Variants in CNTNAP2 observed in about 807,000 individuals in gnomAD.
CNTNAP2 encodes contactin-associated protein-like 2.
CNTNAP2 carries 98 observed loss-of-function variants against 155.2 expected under a neutral mutation model. The observed-to-expected ratio is 0.63, with a 90% CI of 0.54 to 0.75. CNTNAP2 has a LOEUF of 0.75. CNTNAP2 is among the 30% of genes least tolerant of loss of function. The pLI is 0.00. For missense variants in CNTNAP2, 1,727 were observed against 1,688.1 expected (o/e 1.02, Z -0.40); for synonymous variants, 651 against 631.2 (o/e 1.03, Z -0.47).
At chr7:147,705,921 C>T (rs1191259390) in intron 13 of CNTNAP2, among the ~76,000 whole-genome samples, 1 of 151,664 alleles carries the variant, frequency 6.6e-6, no homozygotes, top group South Asian at 2.1e-4. Flanking sequence ...TTCACCTCTG[C>T]TTTCAGTCTG....
intron 21 of CNTNAP2, among the ~76,000 whole-genome samples, chr7:148,299,404 C>T (rs988201075): frequency 1.3e-5 from 2 of 152,354 alleles, no homozygotes; most frequent in African/African-American, 2.4e-5. Flanking sequence ...GAGGGCATTT[C>T]GCCTGGACCA....
chr7:147,608,014 G>T (rs1277587539), intron 12 of CNTNAP2, among the ~76,000 whole-genome samples: 1 of 152,046 alleles, frequency 6.6e-6, no homozygotes, highest in Non-Finnish European at 1.5e-5. Flanking sequence ...TACTTATTTT[G>T]TGTATCTTCT....
At chr7:147,552,124 A>G (rs898692367) in intron 11 of CNTNAP2, among the ~76,000 whole-genome samples, 2 of 152,156 alleles carry the variant, frequency 1.3e-5, no homozygotes, top group Non-Finnish European at 1.5e-5. Flanking sequence ...TCTTGATCTA[A>G]AAGTCTTCCC....
At chr7:147,193,648 A>T (rs1802724470) in intron 8 of CNTNAP2, among the ~76,000 whole-genome samples, 3 of 152,214 alleles carry the variant, frequency 2.0e-5, no homozygotes, top group Non-Finnish European at 4.4e-5. Context: ...TGCTAGGGTC[A>T]GTGACCTTAG....
At position 146,286,897 on chromosome 7, in the gene CNTNAP2, A is replaced by G. The variant is rs548047411; in HGVS notation, c.97+169924A>G. On this transcript the variant is annotated intron_variant, in intron 1 of 23. Coordinates refer to ENST00000361727, the MANE Select transcript of CNTNAP2 (RefSeq NM_014141.6). ...GAGGTGGAAGGATCACCTGAGGCCA[A>G]TAGTTTGAGACCAGCCTGGCAACCT... Among the ~76,000 whole-genome samples the G allele has an allele frequency of 2.2e-3, 328 of 152,240 alleles. 4 individuals carry two copies. Among genetic ancestry groups the G allele is most frequent in the African/African-American group, 7.4e-3 (307 of 41,548 alleles).
chr7:147,640,647 C>G (rs1251848711), intron 13 of CNTNAP2, among the ~76,000 whole-genome samples: 1 of 152,032 alleles, frequency 6.6e-6, no homozygotes, highest in Non-Finnish European at 1.5e-5. Context: ...TGAAGGAACA[C>G]CAAGGTTCTT....
intron 21 of CNTNAP2, among the ~76,000 whole-genome samples, chr7:148,341,469 TTAAC>T (rs781323101): frequency 1.3e-5 from 2 of 152,156 alleles, no homozygotes; most frequent in African/African-American, 2.4e-5. Context: ...ACTATAATAA[TTAAC>T]TATTAAGTAT....
intron 11 of CNTNAP2, among the ~76,000 whole-genome samples, chr7:147,544,327 CA>C (rs576462569): frequency 3.3e-5 from 5 of 150,972 alleles, no homozygotes; most frequent in South Asian, 2.1e-4. Context: ...CCCAGACTTC[CA>C]AAAAAAAATT....
At chr7:146,204,251 A>C (rs1279405672) in intron 1 of CNTNAP2, among the ~76,000 whole-genome samples, 3 of 152,178 alleles carry the variant, frequency 2.0e-5, no homozygotes, top group Admixed American at 6.6e-5. Flanking sequence ...ATATCAGTCC[A>C]CTAATTAGTT....
intron 8 of CNTNAP2, among the ~76,000 whole-genome samples, chr7:147,274,415 T>G (rs1804844593): frequency 6.6e-6 from 1 of 152,200 alleles, no homozygotes; most frequent in Admixed American, 6.5e-5. Context: ...ATTTCTCTGA[T>G]GAATACTGAT....
At chr7:147,608,567 G>C (rs1057379676) in intron 12 of CNTNAP2, among the ~76,000 whole-genome samples, 50 of 152,038 alleles carry the variant, frequency 3.3e-4, no homozygotes, top group Admixed American at 2.8e-3. Context: ...CTCCCAAAGA[G>C]CTGGGATAAT....
In CNTNAP2 at chr7:148,383,780, G is replaced by A. The variant is rs745397865; in HGVS notation, c.3607G>A (p.Val1203Ile). 1.7e-5 allele frequency: 28 copies of A among 1,614,038 alleles called. No homozygotes were observed. In the Admixed American group the frequency reaches 2.0e-4, roughly 12 times the overall value. Residue 1203 changes from valine (V) to isoleucine (I), a missense_variant, in exon 22 of 24, where the codon GTC becomes ATC. Coordinates refer to ENST00000361727, the MANE Select transcript of CNTNAP2 (RefSeq NM_014141.6). ...GAGGCAGACAAACGCCTCGGCTCAC[G>A]TCCACATCCAGGGCGAGCTGGTGGA... is the stretch of plus-strand genomic sequence containing the variant. ...ALRQTNASAH[V>I]HIQGELVESN...
intron 1 of CNTNAP2, among the ~76,000 whole-genome samples, chr7:146,419,393 C>A (rs1490803781): frequency 6.6e-6 from 1 of 152,008 alleles, no homozygotes; most frequent in Non-Finnish European, 1.5e-5. Flanking sequence ...ACAGCCAAAC[C>A]ATATCACCTT....
intron 13 of CNTNAP2, among the ~76,000 whole-genome samples, chr7:147,811,578 A>T (rs574866825): frequency 6.6e-6 from 1 of 152,254 alleles, no homozygotes; most frequent in South Asian, 2.1e-4. Context: ...CAAATTGAAA[A>T]TTTTTAAATA....
chr7:146,732,349 A>G (rs1227638748), intron 1 of CNTNAP2, among the ~76,000 whole-genome samples: 1 of 152,168 alleles, frequency 6.6e-6, no homozygotes, highest in South Asian at 2.1e-4. Flanking sequence ...TCAACTTACC[A>G]TAAATTCACC....
At chr7:147,548,520 G>A (rs1168886134) in intron 11 of CNTNAP2, among the ~76,000 whole-genome samples, 1 of 152,046 alleles carries the variant, frequency 6.6e-6, no homozygotes, top group East Asian at 1.9e-4. Context: ...TTTGTCAGAT[G>A]GGTAGATTCC....
chr7:146,468,900 T>C (rs1035108831), intron 1 of CNTNAP2, among the ~76,000 whole-genome samples: 2 of 152,014 alleles, frequency 1.3e-5, no homozygotes, highest in Non-Finnish European at 2.9e-5. Context: ...AACCTGATAA[T>C]ATGTCTAAAT....
At chr7:147,117,014 A>C (rs1168442488) in intron 5 of CNTNAP2, among the ~76,000 whole-genome samples, 2 of 152,152 alleles carry the variant, frequency 1.3e-5, no homozygotes, top group Non-Finnish European at 2.9e-5. Flanking sequence ...CTTTGTCCTG[A>C]TGACAGTGGC....
chr7:147,382,388 T>C (rs1388298633), intron 9 of CNTNAP2, among the ~76,000 whole-genome samples: 1 of 152,182 alleles, frequency 6.6e-6, no homozygotes. Flanking sequence ...AGAATTAATA[T>C]GATATGATTG....
Sources: gnomAD v4.1 joint callset for allele counts (sites outside exome capture counted in the v4.1 genomes callset) on GRCh38, gnomAD v4.1.1 for gene constraint, MANE v1.5 for transcripts, NCBI Gene and HGNC (gene_info 2026-07-23, HGNC 2026-07-21) for gene names.